C8orf34: variants seen among roughly 807,000 people sequenced by gnomAD.
C8orf34 encodes uncharacterized protein C8orf34.
C8orf34 carries 65 observed loss-of-function variants against 68.3 expected under a neutral mutation model. The ratio of observed to expected loss-of-function variants is 0.95; its 90% CI spans 0.78 to 1.17. The LOEUF is 1.17. C8orf34 is among the 50% of genes most tolerant of loss of function. The pLI, the probability that C8orf34 is intolerant of heterozygous loss-of-function variation, is 0.00. For synonymous variants in C8orf34, 244 were observed against 241.2 expected (o/e 1.01, Z -0.11); for missense variants, 664 against 655.4 (o/e 1.01, Z -0.14).
intron 7 of C8orf34, among the ~76,000 whole-genome samples, chr8:68,601,325 C>A (rs952852063): frequency 6.6e-6 from 1 of 151,916 alleles, no homozygotes; most frequent in African/African-American, 2.4e-5. Flanking sequence ...TTTATTCAGT[C>A]CCATTCTCTT....
At chr8:68,525,956 CTTT>C (rs10692707) in intron 6 of C8orf34, 1,223 of 177,856 alleles carry the variant, frequency 6.9e-3, no homozygotes, top group South Asian at 0.016. Flanking sequence ...TTCTTTCTTT[CTTT>C]TTTTTTTTTT....
intron 11 of C8orf34, among the ~76,000 whole-genome samples, chr8:68,779,834 T>C (rs1823624849): frequency 6.6e-6 from 1 of 150,798 alleles, no homozygotes; most frequent in Non-Finnish European, 1.5e-5. Flanking sequence ...CTTAGAAAAC[T>C]AGGAAATGAA....
chr8:68,756,815 G>A (rs1019705885), intron 10 of C8orf34, among the ~76,000 whole-genome samples: 97 of 152,250 alleles, frequency 6.4e-4, no homozygotes, highest in Middle Eastern at 3.4e-3. Context: ...AATTTAGATT[G>A]TGTTGATTGA....
chr8:68,685,755 A>G (rs1461151527), intron 8 of C8orf34, among the ~76,000 whole-genome samples: 1 of 151,984 alleles, frequency 6.6e-6, no homozygotes, highest in African/African-American at 2.4e-5. Context: ...ATGTGCCTGT[A>G]CTTCCAGCTA....
At chr8:68,465,484 A>G (rs1812075268) in intron 3 of C8orf34, among the ~76,000 whole-genome samples, 1 of 151,898 alleles carries the variant, frequency 6.6e-6, no homozygotes, top group East Asian at 1.9e-4. Flanking sequence ...TCATACTGCT[A>G]TAAAGACACA....
chr8:68,464,255 C>A (rs1373215428), intron 3 of C8orf34, among the ~76,000 whole-genome samples: 3 of 151,944 alleles, frequency 2.0e-5, no homozygotes, highest in Admixed American at 2.0e-4. Context: ...ATGTGAAGGA[C>A]CTCTTCAAGG....
chr8:68,772,705 C>G (rs1419447042), intron 10 of C8orf34, among the ~76,000 whole-genome samples: 1 of 136,084 alleles, frequency 7.3e-6, no homozygotes, highest in Non-Finnish European at 1.6e-5. Context: ...CTCCCTCCCT[C>G]TCTTTCTTTC....
At chr8:68,436,264 AGTG>A (rs1810662542) in intron 1 of C8orf34, among the ~76,000 whole-genome samples, 1 of 152,076 alleles carries the variant, frequency 6.6e-6, no homozygotes, top group African/African-American at 2.4e-5. Context: ...TCAAAGACTG[AGTG>A]TCTAATCACT....
intron 1 of C8orf34, among the ~76,000 whole-genome samples, chr8:68,418,826 C>A (rs1241774608): frequency 6.6e-6 from 1 of 151,962 alleles, no homozygotes; most frequent in Non-Finnish European, 1.5e-5. Context: ...ATACAAAAAT[C>A]AGTTCAAGAT....
At chr8:68,757,247 C>A (rs532936395) in intron 10 of C8orf34, among the ~76,000 whole-genome samples, 1 of 152,174 alleles carries the variant, frequency 6.6e-6, no homozygotes, top group South Asian at 2.1e-4. Context: ...GGTCCTGTGT[C>A]CCTCCAGATT....
intron 7 of C8orf34, among the ~76,000 whole-genome samples, chr8:68,565,956 T>C (rs927907777): frequency 6.6e-6 from 1 of 152,086 alleles, no homozygotes; most frequent in Non-Finnish European, 1.5e-5. Context: ...TATACAAAAA[T>C]AGGTAAGAAT....
At position 68,505,562 on chromosome 8, in the gene C8orf34, T is replaced by G. The variant is rs868261330; in HGVS notation, c.766-16237T>G. Among the ~76,000 whole-genome samples, 38 of 121,872 alleles carry G rather than the reference T, an allele frequency of 3.1e-4. 8 individuals carry two copies. Among genetic ancestry groups the G allele is most frequent in the African/African-American group, 1.7e-3 (37 of 22,054 alleles). The allele number at this position is 121,872 out of a possible 152,430, so 80.0% of individuals were successfully genotyped here. Reference sequence around the variant, plus strand: ...CTGGCTAACAAGGTGAAACCCCGTCTCTACCAAAAATACAAAAAATTAGCC... The same window carrying G: ...CTGGCTAACAAGGTGAAACCCCGTCGCTACCAAAAATACAAAAAATTAGCC... On this transcript the variant is annotated intron_variant, in intron 5 of 13. Coordinates refer to ENST00000518698, the MANE Select transcript of C8orf34 (RefSeq NM_052958.4).
intron 1 of C8orf34, among the ~76,000 whole-genome samples, chr8:68,410,755 A>C (rs1303472214): frequency 6.6e-6 from 1 of 152,204 alleles, no homozygotes; most frequent in Non-Finnish European, 1.5e-5. Context: ...CCATTCCAGA[A>C]GAATTCTCAG....
intron 7 of C8orf34, among the ~76,000 whole-genome samples, chr8:68,552,839 T>TTATTC (rs58588495): frequency 0.39 from 59,161 of 151,470 alleles, 11,566 homozygotes; most frequent in Non-Finnish European, 0.4. Context: ...TTTTTATTCT[T>TTATTC]TATTAATATG....
At chr8:68,505,738 C>CAAAAAAAAAAAAAAAAA (rs778441254) in intron 5 of C8orf34, among the ~76,000 whole-genome samples, 1 of 68,302 alleles carries the variant, frequency 1.5e-5, no homozygotes, top group African/African-American at 4.6e-5. Context: ...ACTCCGTCTC[C>CAAAAAAAAAAAAAAAAA]AAAAAAAAAA....
chr8:68,520,520 G>A (rs1400456385), intron 5 of C8orf34, among the ~76,000 whole-genome samples: 2 of 151,860 alleles, frequency 1.3e-5, no homozygotes, highest in South Asian at 2.1e-4. Flanking sequence ...GCACGATCTC[G>A]GCTCACTGCA....
intron 12 of C8orf34, among the ~76,000 whole-genome samples, chr8:68,787,807 G>C (rs1823887569): frequency 6.6e-6 from 1 of 152,092 alleles, no homozygotes; most frequent in African/African-American, 2.4e-5. Flanking sequence ...GTTGGAATAT[G>C]AATCTTCTAT....
chr8:68,693,606 T>G (rs1820744142), intron 8 of C8orf34, among the ~76,000 whole-genome samples: 1 of 152,116 alleles, frequency 6.6e-6, no homozygotes, highest in Non-Finnish European at 1.5e-5. Flanking sequence ...TGCTGGAGAC[T>G]AAAAATAAAT....
chr8:68,462,775 G>C (rs1467570111), intron 3 of C8orf34, among the ~76,000 whole-genome samples: 1 of 151,906 alleles, frequency 6.6e-6, no homozygotes, highest in Non-Finnish European at 1.5e-5. Flanking sequence ...CAGAATCTCT[G>C]GGACACATTC....
Sources: allele counts gnomAD v4.1 joint callset (sites outside exome capture counted in the v4.1 genomes callset), GRCh38; gene constraint gnomAD v4.1.1; transcripts MANE v1.5; gene names NCBI Gene and HGNC (gene_info 2026-07-23, HGNC 2026-07-21).